The following SMOC2 variants were observed in gnomAD, a reference collection of about 807,000 sequenced individuals.
SMOC2 encodes SPARC-related modular calcium-binding protein 2.
A neutral mutation model predicts 61.4 loss-of-function variants in SMOC2; 39 were observed. The ratio of observed to expected loss-of-function variants is 0.64; its 90% confidence interval spans 0.49 to 0.83. The LOEUF is 0.83. SMOC2 is among the 40% of genes least tolerant of loss of function. The pLI is 0.00. For synonymous variants in SMOC2, 247 were observed against 239.9 expected (o/e 1.03, Z -0.27); for missense variants, 556 against 592.9 (o/e 0.94, Z 0.65).
intron 7 of SMOC2, among the ~76,000 whole-genome samples, chr6:168,568,848 C>T (rs1583118109): frequency 1.3e-5 from 2 of 152,146 alleles, no homozygotes; most frequent in South Asian, 2.1e-4. Context: ...TACTAATATT[C>T]GTTTAAGGTT....
At chr6:168,567,097 T>C (rs1211894060) in intron 7 of SMOC2, among the ~76,000 whole-genome samples, 1 of 152,242 alleles carries the variant, frequency 6.6e-6, no homozygotes, top group African/African-American at 2.4e-5. Flanking sequence ...TTTTCTCTTT[T>C]GTTTGGAAAC....
intron 2 of SMOC2, among the ~76,000 whole-genome samples, chr6:168,519,098 C>T (rs569395243): frequency 3.1e-4 from 40 of 127,314 alleles, no homozygotes; most frequent in African/African-American, 5.6e-4. Flanking sequence ...TGTGAACATG[C>T]GTGTGTGAAC....
intron 7 of SMOC2, 142 bp from the exon 8 acceptor site, chr6:168,598,676 C>G: frequency 2.2e-6 from 2 of 892,382 alleles, no homozygotes; most frequent in Non-Finnish European, 3.5e-6. Context: ...CCTGCTGTGC[C>G]CCCCACGCTG....
At chr6:168,450,728 C>T (rs966272138) in intron 1 of SMOC2, among the ~76,000 whole-genome samples, 2 of 152,242 alleles carry the variant, frequency 1.3e-5, no homozygotes, top group African/African-American at 2.4e-5. Context: ...CATTGATATC[C>T]TTTTAAGAAT....
At chr6:168,608,274 AG>A in intron 9 of SMOC2, 35 bp downstream of exon 9, 1 of 1,591,604 alleles carries the variant, frequency 6.3e-7, no homozygotes. Flanking sequence ...CCGAATCCAC[AG>A]GCCCCACCAT....
intron 1 of SMOC2, among the ~76,000 whole-genome samples, chr6:168,503,856 T>C (rs893557644): frequency 1.3e-5 from 2 of 152,004 alleles, no homozygotes; most frequent in South Asian, 4.2e-4. Flanking sequence ...ACCACAAAAT[T>C]GGTGAGATCC....
intron 4 of SMOC2, among the ~76,000 whole-genome samples, chr6:168,532,866 C>T (rs1055609932): frequency 2.6e-5 from 4 of 152,286 alleles, no homozygotes; most frequent in African/African-American, 7.2e-5. Flanking sequence ...CAGCCATCGG[C>T]CTGTTCCGAC....
chr6:168,625,198 G>A (rs1026319979), intron 9 of SMOC2, among the ~76,000 whole-genome samples: 11 of 152,220 alleles, frequency 7.2e-5, no homozygotes, highest in Non-Finnish European at 1.3e-4. Context: ...CACGTGGGTC[G>A]TCCTCACCGT....
rs116886798 is a variant in SMOC2 at position 168,579,702 on chromosome 6, G to A, written c.638-19116G>A. Among the ~76,000 whole-genome samples the A allele has an allele frequency of 2.7e-3, 412 of 152,290 alleles. 5 individuals carry two copies. In the East Asian group the frequency reaches 0.056, roughly 21 times the overall value. On this transcript the variant is annotated intron_variant, in intron 7 of 12. Coordinates refer to ENST00000356284, the MANE Select transcript of SMOC2 (RefSeq NM_001166412.2). Reference sequence around the variant, plus strand: ...AAGTTCCAGTCCTTGGGGGCATCACGCGGAGATACTCCCTGTGGCCTTGAT... The same window carrying A: ...AAGTTCCAGTCCTTGGGGGCATCACACGGAGATACTCCCTGTGGCCTTGAT...
intron 8 of SMOC2, among the ~76,000 whole-genome samples, chr6:168,601,688 A>G (rs1785558259): frequency 6.6e-6 from 1 of 152,156 alleles, no homozygotes; most frequent in Admixed American, 6.5e-5. Context: ...GCTGTTTTAC[A>G]CACGCCAATG....
intron 7 of SMOC2, among the ~76,000 whole-genome samples, chr6:168,574,602 G>A (rs1405769658): frequency 2.0e-5 from 3 of 152,146 alleles, no homozygotes; most frequent in Admixed American, 6.5e-5. Flanking sequence ...TTTAGAGCTC[G>A]GATTTCTCCT....
At chr6:168,656,843 C>T (rs1405074005) in intron 11 of SMOC2, among the ~76,000 whole-genome samples, 11 of 152,336 alleles carry the variant, frequency 7.2e-5, no homozygotes, top group Middle Eastern at 6.8e-3. Context: ...GGTTAATGCA[C>T]GTCCTGCCGT....
intron 7 of SMOC2, among the ~76,000 whole-genome samples, chr6:168,552,306 T>C (rs1313343505): frequency 1.3e-5 from 2 of 152,218 alleles, no homozygotes; most frequent in Non-Finnish European, 2.9e-5. Context: ...TTTTAAAATA[T>C]ACTTTTACTT....
At chr6:168,605,038 G>A (rs1176142532) in intron 8 of SMOC2, among the ~76,000 whole-genome samples, 3 of 152,178 alleles carry the variant, frequency 2.0e-5, no homozygotes, top group Non-Finnish European at 4.4e-5. Flanking sequence ...CCAGGTGGGA[G>A]CCGAGGGGCA....
intron 7 of SMOC2, among the ~76,000 whole-genome samples, chr6:168,574,604 A>C (rs1784752658): frequency 6.6e-6 from 1 of 151,932 alleles, no homozygotes; most frequent in South Asian, 2.1e-4. Context: ...TAGAGCTCGG[A>C]TTTCTCCTGA....
At chr6:168,596,434 T>C (rs1358261653) in intron 7 of SMOC2, among the ~76,000 whole-genome samples, 2 of 148,222 alleles carry the variant, frequency 1.3e-5, no homozygotes, top group African/African-American at 2.6e-5. Flanking sequence ...AGGGTGCTGC[T>C]GGAGGGGCAT....
chr6:168,641,935 T>C (rs748717188), intron 9 of SMOC2, among the ~76,000 whole-genome samples: 1 of 152,168 alleles, frequency 6.6e-6, no homozygotes, highest in Non-Finnish European at 1.5e-5. Flanking sequence ...GATATGAAAA[T>C]AAATATAGAA....
intron 9 of SMOC2, among the ~76,000 whole-genome samples, chr6:168,623,564 G>A (rs1786303705): frequency 6.6e-6 from 1 of 151,496 alleles, no homozygotes. Context: ...TTGAACTCCT[G>A]ACCTCAAGTG....
intron 1 of SMOC2, among the ~76,000 whole-genome samples, chr6:168,474,573 T>C (rs1264167710): frequency 6.6e-6 from 1 of 152,126 alleles, no homozygotes; most frequent in Non-Finnish European, 1.5e-5. Flanking sequence ...TAAATACTAT[T>C]TGTGCTTGAT....
Sources: gnomAD v4.1 joint callset for allele counts (sites outside exome capture counted in the v4.1 genomes callset) on GRCh38, gnomAD v4.1.1 for gene constraint, MANE v1.5 for transcripts, NCBI Gene and HGNC (gene_info 2026-07-23, HGNC 2026-07-21) for gene names.